Variants in PLCH1 observed in about 807,000 individuals in gnomAD.
PLCH1 encodes phospholipase C eta 1, also known as 1-phosphatidylinositol 4,5-bisphosphate phosphodiesterase eta-1.
A neutral mutation model predicts 126.7 loss-of-function variants in PLCH1; 60 were observed. The observed-to-expected ratio is 0.47, with a 90% CI of 0.38 to 0.59. The LOEUF (loss-of-function observed/expected upper bound fraction) is 0.59. PLCH1 is among the 20% of genes least tolerant of loss of function. The pLI is 0.00. For synonymous variants in PLCH1, 719 were observed against 734.9 expected, an observed-to-expected ratio of 0.98 and a Z score of 0.35; for missense variants, 1,723 against 2,040.0, an observed-to-expected ratio of 0.84 and a Z score of 2.99.
intron 10 of PLCH1, among the ~76,000 whole-genome samples, chr3:155,542,067 C>A (rs147248947): frequency 6.6e-6 from 1 of 152,066 alleles, no homozygotes; most frequent in East Asian, 1.9e-4. Context: ...ATGCGCGAGC[C>A]GAAGCAGGGC....
At chr3:155,568,146 ATTTCT>A (rs1728753307) in intron 7 of PLCH1, 80 bp downstream of exon 7, 5 of 656,076 alleles carry the variant, frequency 7.6e-6, no homozygotes, top group Middle Eastern at 4.1e-4. Flanking sequence ...ATATGTCCTG[ATTTCT>A]TTTCCTAAAA....
At position 155,482,914 on chromosome 3, in the gene PLCH1, T is replaced by C; in HGVS notation, c.3112A>G (p.Thr1038Ala). The change falls in exon 23 of 23, where the codon ACT becomes GCT. Residue 1038 changes from threonine to alanine, a missense_variant. This residue lies in a region of PLCH1 where 947 missense variants were observed against 977.1 expected (regional missense o/e 0.97). Coordinates refer to ENST00000460012, the MANE Select transcript of PLCH1 (RefSeq NM_014996.4). ...TCTCCTGTGACTGACATGTGGGCAG[T>C]AGATACAATGGTGTCCCCTTGGCTG... ...DTSQGDTIVSTAHMSVTGEQL... is the reference protein window; with the variant it reads ...DTSQGDTIVSAAHMSVTGEQL... The C allele has an allele frequency of 6.2e-7, 1 of 1,614,220 alleles. No homozygotes were observed. Among genetic ancestry groups the C allele is most frequent in the Non-Finnish European group, 8.5e-7 (1 of 1,180,038 alleles).
intron 4 of PLCH1, among the ~76,000 whole-genome samples, chr3:155,587,353 G>C (rs1437131560): frequency 6.6e-6 from 1 of 152,102 alleles, no homozygotes; most frequent in Non-Finnish European, 1.5e-5. Context: ...CAGACATTTA[G>C]CAAATTAGAC....
intron 17 of PLCH1, 101 bp downstream of exon 17, chr3:155,494,040 G>T: frequency 2.3e-6 from 2 of 864,878 alleles, no homozygotes; most frequent in Non-Finnish European, 3.7e-6. Flanking sequence ...AAAACTCTGG[G>T]GTATCACACT....
chr3:155,455,423 T>A (rs994555487), intron 21 of PLCH1, among the ~76,000 whole-genome samples: 1 of 152,206 alleles, frequency 6.6e-6, no homozygotes, highest in Non-Finnish European at 1.5e-5. Flanking sequence ...AATTAGCACC[T>A]GGGAGGAGGG....
At chr3:155,706,754 G>A (rs1364383405) in intron 1 of PLCH1, among the ~76,000 whole-genome samples, 1 of 152,070 alleles carries the variant, frequency 6.6e-6, no homozygotes, top group Non-Finnish European at 1.5e-5. Flanking sequence ...GATGCTATGA[G>A]TCTTCCAAGA....
chr3:155,675,128 C>T (rs1743961506), intron 2 of PLCH1, among the ~76,000 whole-genome samples: 1 of 152,172 alleles, frequency 6.6e-6, no homozygotes, highest in African/African-American at 2.4e-5. Flanking sequence ...AACATCAATG[C>T]TGGTACTGGG....
chr3:155,693,109 A>G (rs1428671936), intron 2 of PLCH1, among the ~76,000 whole-genome samples: 1 of 152,062 alleles, frequency 6.6e-6, no homozygotes, highest in East Asian at 1.9e-4. Flanking sequence ...ACCCTAGCAG[A>G]TTCAAATGTA....
intron 1 of PLCH1, among the ~76,000 whole-genome samples, chr3:155,720,038 C>G (rs559644423): frequency 6.6e-6 from 1 of 152,298 alleles, no homozygotes; most frequent in South Asian, 2.1e-4. Context: ...TCATGATCCA[C>G]CCGCCTCAGC....
chr3:155,722,883 G>A (rs1410247687), intron 1 of PLCH1, among the ~76,000 whole-genome samples: 1 of 152,152 alleles, frequency 6.6e-6, no homozygotes, highest in African/African-American at 2.4e-5. Flanking sequence ...TTGGAATGGT[G>A]TCAATAGGAT....
intron 10 of PLCH1, among the ~76,000 whole-genome samples, chr3:155,547,870 C>T (rs1259110985): frequency 2.4e-5 from 3 of 123,860 alleles, no homozygotes; most frequent in Non-Finnish European, 4.7e-5. Context: ...AAGGGGACAT[C>T]ACACTCTGGG....
intron 2 of PLCH1, among the ~76,000 whole-genome samples, chr3:155,668,848 C>T (rs553550069): frequency 1.1e-4 from 17 of 152,162 alleles, no homozygotes; most frequent in South Asian, 8.3e-4. Flanking sequence ...GCCAAGATCA[C>T]GCCACTGCAC....
At chr3:155,699,720 C>T (rs552406549) in intron 2 of PLCH1, among the ~76,000 whole-genome samples, 1 of 151,976 alleles carries the variant, frequency 6.6e-6, no homozygotes, top group African/African-American at 2.4e-5. Flanking sequence ...TGAGGGAGAG[C>T]TTTTCACTCT....
At chr3:155,531,497 T>C (rs1355779323) in intron 10 of PLCH1, among the ~76,000 whole-genome samples, 3 of 152,112 alleles carry the variant, frequency 2.0e-5, no homozygotes, top group Non-Finnish European at 2.9e-5. Flanking sequence ...TGGTGGCACG[T>C]GCCTGTAATC....
chr3:155,665,580 A>G (rs756781710), intron 2 of PLCH1, among the ~76,000 whole-genome samples: 10 of 152,210 alleles, frequency 6.6e-5, no homozygotes, highest in Non-Finnish European at 1.2e-4. Context: ...GGAGAGAACA[A>G]GAGACAGCAA....
At chr3:155,657,566 G>A (rs1741563894) in intron 2 of PLCH1, among the ~76,000 whole-genome samples, 1 of 152,078 alleles carries the variant, frequency 6.6e-6, no homozygotes, top group Non-Finnish European at 1.5e-5. Flanking sequence ...ACTAGTCAGA[G>A]GTCACAGTTT....
chr3:155,475,474 G>C (rs961377138), downstream of PLCH1, among the ~76,000 whole-genome samples: 6 of 151,788 alleles, frequency 4.0e-5, no homozygotes, highest in East Asian at 1.2e-3. Flanking sequence ...AAAGATCAGA[G>C]CACAAATAAA....
intron 2 of PLCH1, among the ~76,000 whole-genome samples, chr3:155,640,015 GCT>G (rs1739219689): frequency 6.6e-6 from 1 of 152,190 alleles, no homozygotes; most frequent in Non-Finnish European, 1.5e-5. Context: ...CCTCAGCCAT[GCT>G]TTCTGTACAG....
chr3:155,734,991 G>A (rs541430006), intron 1 of PLCH1, among the ~76,000 whole-genome samples: 3 of 152,070 alleles, frequency 2.0e-5, no homozygotes, highest in Non-Finnish European at 4.4e-5. Flanking sequence ...TTACAGGCGT[G>A]AGCCACCGCG....
Sources: allele counts gnomAD v4.1 joint callset (sites outside exome capture counted in the v4.1 genomes callset), GRCh38; gene constraint gnomAD v4.1.1; regional missense constraint gnomAD v4.1.1; transcripts MANE v1.5; gene names NCBI Gene and HGNC (gene_info 2026-07-23, HGNC 2026-07-21).